The following OPCML variants were observed in gnomAD, a reference collection of about 807,000 sequenced individuals.
OPCML encodes opioid-binding protein/cell adhesion molecule.
OPCML carries 13 observed loss-of-function variants against 37.8 expected under a neutral mutation model. The ratio of observed to expected loss-of-function variants is 0.34; its 90% confidence interval spans 0.22 to 0.55. The LOEUF (loss-of-function observed/expected upper bound fraction) is 0.55, where lower values mean the gene tolerates loss of function less well. OPCML is among the 20% of genes least tolerant of loss of function. OPCML has a pLI of 0.91. For synonymous variants in OPCML, 176 were observed against 168.8 expected (o/e 1.04, Z -0.33); for missense variants, 341 against 435.6 (o/e 0.78, Z 1.93).
At chr11:132,818,920 A>G (rs896689904) in intron 2 of OPCML, among the ~76,000 whole-genome samples, 7 of 149,888 alleles carry the variant, frequency 4.7e-5, no homozygotes, top group African/African-American at 1.7e-4. Flanking sequence ...TAAAACTTAA[A>G]GTATAATAAA....
chr11:133,087,242 T>C (rs1948830925), intron 1 of OPCML, among the ~76,000 whole-genome samples: 1 of 152,220 alleles, frequency 6.6e-6, no homozygotes, highest in African/African-American at 2.4e-5. Context: ...TTTTTTTAAA[T>C]AGCAGTTTTG....
Position 132,495,015 on chromosome 11 carries a change from CTTT to C in OPCML, c.505+34043_505+34045del, listed in dbSNP as rs35970569. On this transcript the variant is annotated intron_variant, in intron 4 of 7. Coordinates refer to ENST00000524381, the MANE Select transcript of OPCML (RefSeq NM_001012393.5). ...TTTCTCTCTCAACAATTGTGGATGA[CTTT>C]TTTTTTTTTTTTCCTGGAGTGCTTT... 4.8e-4 allele frequency among the ~76,000 whole-genome samples: 70 copies of C among 146,426 alleles called. No individual in the cohort carries two copies. In the East Asian group the frequency reaches 6.0e-3, roughly 12 times the overall value.
At chr11:133,506,196 G>C (rs1480909189) in intron 1 of OPCML, among the ~76,000 whole-genome samples, 3 of 152,108 alleles carry the variant, frequency 2.0e-5, no homozygotes, top group Non-Finnish European at 4.4e-5. Context: ...GGAGGCCCCT[G>C]GAAAGAAAGT....
At chr11:133,426,717 C>T (rs1946010758) in intron 1 of OPCML, among the ~76,000 whole-genome samples, 1 of 152,190 alleles carries the variant, frequency 6.6e-6, no homozygotes, top group Admixed American at 6.5e-5. Context: ...TGGTGATTCT[C>T]TTTTAGATGC....
chr11:133,270,665 G>A lies in OPCML; in HGVS notation c.61+261599C>T, dbSNP rs144860007. 1.5e-3 allele frequency among the ~76,000 whole-genome samples: 224 copies of A among 152,274 alleles called. 5 individuals carry two copies. Among genetic ancestry groups the A allele is most frequent in the Middle Eastern group, 0.01 (3 of 294 alleles). On this transcript the variant is annotated intron_variant, in intron 1 of 7. Coordinates refer to ENST00000524381, the MANE Select transcript of OPCML (RefSeq NM_001012393.5). ...ACACTGTAAACAGGTGGTTTTCGTG[G>A]TTTATATTTTAACACTGAAAGGACT...
chr11:132,450,828 G>A (rs771578583), intron 4 of OPCML, among the ~76,000 whole-genome samples: 15 of 152,148 alleles, frequency 9.9e-5, no homozygotes, highest in East Asian at 3.9e-4. Flanking sequence ...GATAAATTGC[G>A]TAACCACCCT....
intron 1 of OPCML, among the ~76,000 whole-genome samples, chr11:133,279,022 G>T (rs1232443007): frequency 6.6e-6 from 1 of 152,164 alleles, no homozygotes; most frequent in South Asian, 2.1e-4. Context: ...AAATGCTAGC[G>T]CTTAAACCTG....
intron 3 of OPCML, among the ~76,000 whole-genome samples, chr11:132,537,709 A>T (rs962040538): frequency 6.6e-6 from 1 of 152,240 alleles, no homozygotes; most frequent in Non-Finnish European, 1.5e-5. Context: ...CAAAATATGT[A>T]AAAGCAATAA....
chr11:132,763,003 A>G (rs1277706133), intron 2 of OPCML, among the ~76,000 whole-genome samples: 2 of 152,160 alleles, frequency 1.3e-5, no homozygotes, highest in Admixed American at 6.5e-5. Flanking sequence ...AAAGCGTAGT[A>G]TCTGGGCCAG....
chr11:132,675,181 GTATATA>G (rs10602904), intron 2 of OPCML, among the ~76,000 whole-genome samples: 3 of 143,622 alleles, frequency 2.1e-5, no homozygotes, highest in East Asian at 2.0e-4. Flanking sequence ...GTGTGTGTGT[GTATATA>G]TATATATATA....
chr11:132,472,027 G>A (rs998372094), intron 4 of OPCML, among the ~76,000 whole-genome samples: 2 of 152,200 alleles, frequency 1.3e-5, no homozygotes, highest in African/African-American at 4.8e-5. Context: ...GGTTCTGGAA[G>A]GCCCTCCCTT....
Position 132,479,164 on chromosome 11 carries a change from G to A in OPCML, c.506-41805C>T, listed in dbSNP as rs972504535. On this transcript the variant is annotated intron_variant, in intron 4 of 7. Transcript: ENST00000524381. The stretch of plus-strand genomic sequence containing the variant: ...AGGGAGTGCCAGACAGTGGGCTCAG[G>A]TCAGTGGGTGCATGAGCCAAAAAAG... 2.0e-5 allele frequency among the ~76,000 whole-genome samples: 3 copies of A among 152,050 alleles called. 1 individual carries two copies. In the South Asian group the frequency reaches 6.2e-4, roughly 31 times the overall value.
At chr11:132,681,496 G>A (rs1440995530) in intron 2 of OPCML, among the ~76,000 whole-genome samples, 1 of 152,050 alleles carries the variant, frequency 6.6e-6, no homozygotes, top group African/African-American at 2.4e-5. Context: ...ACTGGACTCT[G>A]GGGGAAGATG....
At chr11:132,444,865 A>G (rs2096049355) in intron 4 of OPCML, among the ~76,000 whole-genome samples, 1 of 152,216 alleles carries the variant, frequency 6.6e-6, no homozygotes, top group African/African-American at 2.4e-5. Context: ...CCCAACTTCC[A>G]GATTTGTTAC....
intron 1 of OPCML, among the ~76,000 whole-genome samples, chr11:133,134,890 C>A (rs2137145518): frequency 6.6e-6 from 1 of 152,354 alleles, no homozygotes; most frequent in South Asian, 2.1e-4. Flanking sequence ...ATTACAGCCA[C>A]TTTCTTTTAC....
At position 132,724,908 on chromosome 11, in the gene OPCML, C is replaced by T. The variant is rs116515784; in HGVS notation, c.147-67589G>A. Among the ~76,000 whole-genome samples, 1,171 of 152,286 alleles carry T rather than the reference C, an allele frequency of 7.7e-3. 19 individuals are homozygous for T. Among genetic ancestry groups the T allele is most frequent in the African/African-American group, 0.026 (1,100 of 41,560 alleles). On this transcript the variant is annotated intron_variant, in intron 2 of 7. Transcript: ENST00000524381. Reference sequence around the variant, plus strand: ...GTCTCACATCGAGGTCATGCTGATGCAAGAGTTAGGTTCCCATATCTTGGG... The same window carrying T: ...GTCTCACATCGAGGTCATGCTGATGTAAGAGTTAGGTTCCCATATCTTGGG...
At chr11:132,542,670 G>C (rs7934087) in intron 3 of OPCML, among the ~76,000 whole-genome samples, 36,653 of 151,988 alleles carry the variant, frequency 0.24, 5,653 homozygotes, top group East Asian at 0.45. Flanking sequence ...ATGATGAATG[G>C]GCTGCAGGTC....
At chr11:133,524,176 T>A (rs1948445824) in intron 1 of OPCML, among the ~76,000 whole-genome samples, 1 of 152,230 alleles carries the variant, frequency 6.6e-6, no homozygotes, top group South Asian at 2.1e-4. Flanking sequence ...TGTAGAGTAT[T>A]CAGAGATGAA....
At chr11:132,558,837 T>C (rs965132488) in intron 3 of OPCML, among the ~76,000 whole-genome samples, 2 of 152,020 alleles carry the variant, frequency 1.3e-5, no homozygotes, top group African/African-American at 4.8e-5. Flanking sequence ...GACCGTTCAA[T>C]TTTTTCAGCC....
Sources: gnomAD v4.1 joint callset for allele counts (sites outside exome capture counted in the v4.1 genomes callset) on GRCh38, gnomAD v4.1.1 for gene constraint, MANE v1.5 for transcripts, NCBI Gene and HGNC (gene_info 2026-07-23, HGNC 2026-07-21) for gene names.